The following PRUNE2 variants were observed in gnomAD, a reference collection of about 807,000 sequenced individuals.
PRUNE2 encodes the protein prune homolog 2 with BCH domain, also known as protein prune homolog 2.
Under a neutral mutation model 252.0 loss-of-function variants are expected in PRUNE2, and 164 were observed. The ratio of observed to expected loss-of-function variants is 0.65; its 90% CI spans 0.57 to 0.74. The LOEUF is 0.74. Among genes scored for constraint, PRUNE2 ranks in the 30% least tolerant of loss-of-function variants. PRUNE2 has a pLI of 0.00. For missense variants in PRUNE2, 3,495 were observed against 3,711.0 expected (o/e 0.94, Z 1.51); for synonymous variants, 1,292 against 1,350.2 (o/e 0.96, Z 0.94).
intron 16 of PRUNE2, 56 bp from the exon 17 acceptor site, chr9:76,624,546 C>A: frequency 7.9e-7 from 1 of 1,261,590 alleles, no homozygotes; most frequent in Non-Finnish European, 1.0e-6. Flanking sequence ...GCAAGCACAG[C>A]ATGAGACAGT....
intron 10 of PRUNE2, among the ~76,000 whole-genome samples, chr9:76,653,962 C>A (rs1334950709): frequency 6.6e-6 from 1 of 152,130 alleles, no homozygotes; most frequent in Non-Finnish European, 1.5e-5. Flanking sequence ...TAGAGACATA[C>A]CCTACTGTAG....
intron 9 of PRUNE2, among the ~76,000 whole-genome samples, chr9:76,679,076 T>C (rs1014837470): frequency 6.6e-6 from 1 of 152,150 alleles, no homozygotes; most frequent in African/African-American, 2.4e-5. Context: ...ATGTGCAACC[T>C]TATACGAGTT....
At chr9:76,879,956 C>T (rs1476144806) in intron 1 of PRUNE2, among the ~76,000 whole-genome samples, 6 of 134,246 alleles carry the variant, frequency 4.5e-5, no homozygotes, top group African/African-American at 1.5e-4. Flanking sequence ...CTCTGCCACC[C>T]AGGCTGGAGT....
chr9:76,707,026 C>T lies in PRUNE2; in HGVS notation c.5248G>A (p.Glu1750Lys), dbSNP rs758951981. Residue 1750 changes from glutamate to lysine, a missense_variant, in exon 8 of 19, where the codon GAG becomes AAG. By Grantham distance (56) the Glu-to-Lys change is moderately conservative (BLOSUM62 1). Transcript: ENST00000376718. The part of the protein sequence containing the change: ...YLDSSEPAEN[E>K]NKSNPFCDNQ... Reference sequence around the variant, plus strand: ...TCACAGAATGGGTTTGACTTATTCTCATTCTCTGCTGGCTCTGAGCTGTCT... The same window carrying T: ...TCACAGAATGGGTTTGACTTATTCTTATTCTCTGCTGGCTCTGAGCTGTCT... 6 of 1,613,994 alleles carry T rather than the reference C, an allele frequency of 3.7e-6. No individual in the cohort carries two copies. Among genetic ancestry groups the T allele is most frequent in the South Asian group, 3.3e-5 (3 of 91,088 alleles).
chr9:76,688,574 G>A (rs916825290), intron 9 of PRUNE2, among the ~76,000 whole-genome samples: 86 of 152,156 alleles, frequency 5.7e-4, no homozygotes, highest in African/African-American at 2.0e-3. Flanking sequence ...GCTTTCTTCC[G>A]TGTCTGCAGT....
chr9:76,821,655 C>T (rs1224612552), intron 6 of PRUNE2, among the ~76,000 whole-genome samples: 1 of 152,014 alleles, frequency 6.6e-6, no homozygotes, highest in Non-Finnish European at 1.5e-5. Flanking sequence ...CTTTATTATA[C>T]ACAAATGTCC....
chr9:76,668,229 G>C (rs1030614738), intron 9 of PRUNE2, among the ~76,000 whole-genome samples: 1 of 152,110 alleles, frequency 6.6e-6, no homozygotes, highest in Non-Finnish European at 1.5e-5. Flanking sequence ...TATGTAAAAA[G>C]ATGTTTACTG....
chr9:76,877,410 T>C (rs2061536409), intron 1 of PRUNE2, among the ~76,000 whole-genome samples: 1 of 151,928 alleles, frequency 6.6e-6, no homozygotes, highest in Admixed American at 6.6e-5. Context: ...GGAGGCTTGC[T>C]TGAACCCAGG....
intron 1 of PRUNE2, among the ~76,000 whole-genome samples, chr9:76,899,104 G>A (rs1343201398): frequency 6.6e-6 from 1 of 152,176 alleles, no homozygotes; most frequent in Non-Finnish European, 1.5e-5. Flanking sequence ...ACTGGTCAAG[G>A]GGCAGCAAGA....
At chr9:76,880,680 C>A (rs1224122211) in intron 1 of PRUNE2, among the ~76,000 whole-genome samples, 1 of 152,166 alleles carries the variant, frequency 6.6e-6, no homozygotes, top group Non-Finnish European at 1.5e-5. Flanking sequence ...ACGCATAAAG[C>A]ATGTCTTTTG....
intron 1 of PRUNE2, among the ~76,000 whole-genome samples, chr9:76,896,337 A>G (rs982878986): frequency 3.3e-5 from 5 of 152,190 alleles, no homozygotes; most frequent in African/African-American, 1.2e-4. Flanking sequence ...AGCCTCAGAG[A>G]TTGCACTTAG....
intron 16 of PRUNE2, among the ~76,000 whole-genome samples, chr9:76,628,851 CT>C (rs10632629): frequency 1.9e-3 from 273 of 145,024 alleles, no homozygotes; most frequent in Middle Eastern, 3.5e-3. Context: ...CAAACACACA[CT>C]TTTTTTTTTT....
chr9:76,797,294 A>C (rs544883759), intron 6 of PRUNE2, among the ~76,000 whole-genome samples: 23 of 152,300 alleles, frequency 1.5e-4, no homozygotes, highest in African/African-American at 5.5e-4. Context: ...AAATGCACAG[A>C]AAAAGAACTG....
At chr9:76,838,133 T>C (rs1295712732) in intron 4 of PRUNE2, among the ~76,000 whole-genome samples, 4 of 149,210 alleles carry the variant, frequency 2.7e-5, no homozygotes, top group Non-Finnish European at 4.5e-5. Flanking sequence ...CTTTCTGTAC[T>C]AGTTTTTATT....
chr9:76,723,306 C>T (rs770777049), intron 6 of PRUNE2, among the ~76,000 whole-genome samples: 31 of 152,178 alleles, frequency 2.0e-4, no homozygotes, highest in Non-Finnish European at 2.2e-4. Context: ...AGTATCCTCA[C>T]GTAGACTTTC....
At position 76,707,628 on chromosome 9, in the gene PRUNE2, T is replaced by G; in HGVS notation, c.4646A>C (p.Glu1549Ala). 2 of 1,613,934 alleles carry G rather than the reference T, an allele frequency of 1.2e-6. No individual in the cohort carries two copies. The highest frequency in any genetic ancestry group is 4.5e-5 in the East Asian group (2 of 44,868). ...EYTHSSASSP[E>A]LNDSSVALSS... ...CAGTGCAACTGAAGAGTCATTTAAC[T>G]CAGGACTTGATGCACTTGAATGAGT... Residue 1549 changes from glutamate (E) to alanine (A), a missense_variant, in exon 8 of 19, where the codon GAG (glutamate) becomes GCG (alanine). Transcript: ENST00000376718.
intron 6 of PRUNE2, chr9:76,783,984 G>C (rs968313223): frequency 3.3e-5 from 5 of 152,034 alleles, no homozygotes; most frequent in Admixed American, 3.3e-4. Context: ...CTGTCCTCCC[G>C]GAATCCACTA....
chr9:76,883,684 T>C (rs2061924030), intron 1 of PRUNE2, among the ~76,000 whole-genome samples: 1 of 152,210 alleles, frequency 6.6e-6, no homozygotes, highest in Admixed American at 6.5e-5. Context: ...TGACTCCCTT[T>C]TTCTTGGGTG....
intron 6 of PRUNE2, among the ~76,000 whole-genome samples, chr9:76,734,347 A>C (rs1412002175): frequency 6.6e-6 from 1 of 152,180 alleles, no homozygotes; most frequent in East Asian, 1.9e-4. Context: ...AAATTTTAAG[A>C]TCATCGAACC....
Sources: gnomAD v4.1 joint callset for allele counts (sites outside exome capture counted in the v4.1 genomes callset) on GRCh38, gnomAD v4.1.1 for gene constraint, MANE v1.5 for transcripts, NCBI Gene and HGNC (gene_info 2026-07-23, HGNC 2026-07-21) for gene names.